NFIC: variants seen among roughly 807,000 people sequenced by gnomAD.
NFIC encodes nuclear factor 1 C-type.
In NFIC, 12 loss-of-function variants were observed where a neutral mutation model predicts 54.4. The ratio of observed to expected loss-of-function variants is 0.22; its 90% CI spans 0.14 to 0.36. The LOEUF is 0.36. Ranked by LOEUF, NFIC falls within the 10% of genes least tolerant of loss-of-function variation. NFIC has a pLI of 1.00. For synonymous variants in NFIC, 322 were observed against 319.2 expected (o/e 1.01, Z -0.09); for missense variants, 575 against 718.2 (o/e 0.80, Z 2.28).
chr19:3,360,960 C>T (rs921291077), intron 1 of NFIC, among the ~76,000 whole-genome samples: 1 of 152,176 alleles, frequency 6.6e-6, no homozygotes, highest in African/African-American at 2.4e-5. Flanking sequence ...AAGGGTCTGC[C>T]TTCCACTCCC....
intron 6 of NFIC, among the ~76,000 whole-genome samples, chr19:3,441,641 C>G (rs1289913862): frequency 2.6e-5 from 4 of 152,260 alleles, no homozygotes; most frequent in African/African-American, 9.6e-5. Flanking sequence ...CATTGGTGGA[C>G]CGAGGCAAGG....
chr19:3,406,246 C>T (rs1465795797), intron 2 of NFIC, among the ~76,000 whole-genome samples: 2 of 152,130 alleles, frequency 1.3e-5, no homozygotes, highest in South Asian at 2.1e-4. Flanking sequence ...GCACCCGCCA[C>T]GATGCCCTGC....
intron 1 of NFIC, among the ~76,000 whole-genome samples, chr19:3,376,374 A>G (rs962840083): frequency 8.0e-6 from 1 of 125,282 alleles, no homozygotes; most frequent in Non-Finnish European, 1.6e-5. Flanking sequence ...GGTTGCAGTG[A>G]GCTGAGATCA....
Position 3,464,558 on chromosome 19 carries a change from G to A in NFIC, c.*1789G>A. The stretch of plus-strand genomic sequence containing the variant: ...CAGCCCAGCCCCAACTGACCTCCAT[G>A]CCTAGGGAAAAACTCCCCCCACCAC... On this transcript the variant is annotated 3_prime_UTR_variant, in exon 11 of 11. Coordinates refer to ENST00000443272, the MANE Select transcript of NFIC (RefSeq NM_001245002.2). 1.3e-6 allele frequency: 1 copy of A among 770,432 alleles called. No individual in the cohort carries two copies. The highest frequency in any genetic ancestry group is 1.5e-6 in the Non-Finnish European group (1 of 672,222). 47.7% of individuals were successfully genotyped at this position (770,432 alleles called of 1,614,324 possible). A position where few individuals can be genotyped will look rare whatever the true frequency, so the allele number is the denominator to read the frequency against.
chr19:3,360,239 C>A (rs2080792768), intron 1 of NFIC, among the ~76,000 whole-genome samples: 6 of 145,622 alleles, frequency 4.1e-5, no homozygotes, highest in Admixed American at 4.1e-4. Context: ...CGCCGCCGGG[C>A]GCCTTGAACT....
chr19:3,392,298 C>T (rs1363407373), intron 2 of NFIC, among the ~76,000 whole-genome samples: 1 of 152,136 alleles, frequency 6.6e-6, no homozygotes, highest in Non-Finnish European at 1.5e-5. Flanking sequence ...TCTCGAACTT[C>T]TGACCTCAGG....
rs1002519608 is a variant in NFIC, at chr19:3,459,759, A to C, written c.1510-2993A>C. 6.6e-6 allele frequency among the ~76,000 whole-genome samples: 1 copy of C among 152,234 alleles called. No homozygotes were observed. Among genetic ancestry groups the C allele is most frequent in the African/African-American group, 2.4e-5 (1 of 41,460 alleles). On this transcript the variant is annotated intron_variant, in intron 10 of 10. Coordinates refer to ENST00000443272, the MANE Select transcript of NFIC (RefSeq NM_001245002.2). This position sits in a 1 kb window ranked among gnomAD's most constrained non-coding sequence, Gnocchi z 4.2. ...TCTGTCGGTTGCCAACAGAAACCAG[A>C]CATGAGGTAATGGCCAAGATGAACT...
intron 7 of NFIC, among the ~76,000 whole-genome samples, chr19:3,451,964 A>G (rs1202373236): frequency 6.6e-6 from 1 of 152,100 alleles, no homozygotes; most frequent in African/African-American, 2.4e-5. Flanking sequence ...TAAAAATACA[A>G]AAGTTAGCCA....
chr19:3,449,684 C>T (rs917386067), intron 7 of NFIC, among the ~76,000 whole-genome samples: 18 of 148,354 alleles, frequency 1.2e-4, no homozygotes, highest in African/African-American at 3.8e-4. Context: ...TGCTTGAACC[C>T]GGGAGGTAGA....
intron 6 of NFIC, among the ~76,000 whole-genome samples, chr19:3,440,452 G>C (rs1388037147): frequency 1.3e-5 from 2 of 151,174 alleles, no homozygotes; most frequent in Admixed American, 6.6e-5. Flanking sequence ...TTTTGAGACG[G>C]AATCTCTCTC....
intron 2 of NFIC, among the ~76,000 whole-genome samples, chr19:3,404,504 C>T (rs566260500): frequency 6.6e-6 from 1 of 152,216 alleles, no homozygotes; most frequent in African/African-American, 2.4e-5. Flanking sequence ...CGTGTTTAAC[C>T]CCTCAGAGGC....
intron 2 of NFIC, among the ~76,000 whole-genome samples, chr19:3,408,296 C>G (rs1048836794): frequency 2.6e-5 from 4 of 152,142 alleles, no homozygotes; most frequent in Admixed American, 6.6e-5. Context: ...CTTCCTACAG[C>G]CAAAAGATCA....
chr19:3,462,898 C>T lies in NFIC; in HGVS notation c.*129C>T, dbSNP rs1204886578. On this transcript the variant is annotated 3_prime_UTR_variant, in exon 11 of 11. Transcript: ENST00000443272. ...AGAACACCCCTGCCGACTCCCAGCCCGGCCAAAAAGACAAAACACATAGAC... is the reference window on the plus strand; with the variant it reads ...AGAACACCCCTGCCGACTCCCAGCCTGGCCAAAAAGACAAAACACATAGAC... 1 of 1,555,214 alleles carries T rather than the reference C, an allele frequency of 6.4e-7. No homozygotes were observed. Among genetic ancestry groups the T allele is most frequent in the African/African-American group, 1.4e-5 (1 of 72,628 alleles).
chr19:3,399,965 G>A (rs888165926), intron 2 of NFIC, among the ~76,000 whole-genome samples: 99 of 147,792 alleles, frequency 6.7e-4, no homozygotes, highest in African/African-American at 2.1e-3. Context: ...CGGGAGGATC[G>A]CTTGAGCCCA....
chr19:3,361,393 TG>T, intron 1 of NFIC, among the ~76,000 whole-genome samples: 1 of 152,238 alleles, frequency 6.6e-6, no homozygotes, highest in Middle Eastern at 3.4e-3. Context: ...GCACCGGGAC[TG>T]GTCCCGCAGT....
rs369257366 is a variant in NFIC, at chr19:3,397,090, C to A, written c.562+14847C>A. Among the ~76,000 whole-genome samples, 32 of 152,220 alleles carry A rather than the reference C, an allele frequency of 2.1e-4. 2 individuals carry two copies. In the South Asian group the frequency reaches 6.4e-3, roughly 31 times the overall value. On this transcript the variant is annotated intron_variant, in intron 2 of 10. Coordinates refer to ENST00000443272, the MANE Select transcript of NFIC (RefSeq NM_001245002.2). ...AGGCGTATTGAGGGCTTACCAAGTG[C>A]CTGGCTCATCTGAGCCCTCAGGAAA...
chr19:3,371,410 C>G (rs932495296), intron 1 of NFIC: 1 of 151,004 alleles, frequency 6.6e-6, no homozygotes, highest in African/African-American at 2.4e-5. Context: ...CTGCAGCCTC[C>G]GGGGAGGCAG....
chr19:3,463,636 C>G lies in NFIC; in HGVS notation c.*867C>G. The G allele has an allele frequency of 6.1e-6, 6 of 981,376 alleles. No individual in the cohort carries two copies. The highest frequency in any genetic ancestry group is 7.3e-6 in the Non-Finnish European group (6 of 827,186). 60.8% of individuals were successfully genotyped at this position (981,376 alleles called of 1,614,324 possible). Reference sequence around the variant, plus strand: ...TTGGCCCCGGCCCCTCCACCCCCCACCCCCGGCATAGGAGGCCCCCCCACC... The same window carrying G: ...TTGGCCCCGGCCCCTCCACCCCCCAGCCCCGGCATAGGAGGCCCCCCCACC... On this transcript the variant is annotated 3_prime_UTR_variant, in exon 11 of 11. Transcript: ENST00000443272.
At chr19:3,382,270 G>A (rs549936273) in intron 2 of NFIC, 27 bp downstream of exon 2, 17 of 1,586,380 alleles carry the variant, frequency 1.1e-5, no homozygotes, top group Admixed American at 5.0e-5. Context: ...TGAGCGGAGC[G>A]GCCAGCGGGG....
Sources: allele counts gnomAD v4.1 joint callset (sites outside exome capture counted in the v4.1 genomes callset), GRCh38; gene constraint gnomAD v4.1.1; non-coding constraint Gnocchi (gnomAD v3.1); transcripts MANE v1.5; gene names NCBI Gene and HGNC (gene_info 2026-07-23, HGNC 2026-07-21).